The following MCU variants were observed in gnomAD, a reference collection of about 807,000 sequenced individuals.
MCU encodes the protein calcium uniporter protein, mitochondrial.
A neutral mutation model predicts 45.2 loss-of-function variants in MCU; 12 were observed. The ratio of observed to expected loss-of-function variants is 0.27; its 90% CI spans 0.17 to 0.43. The LOEUF (loss-of-function observed/expected upper bound fraction) is 0.43, where lower values mean the gene tolerates loss of function less well. Ranked by LOEUF, MCU falls within the 20% of genes least tolerant of loss-of-function variation. The pLI is 1.00. For synonymous variants in MCU, 160 were observed against 165.1 expected, an observed-to-expected ratio of 0.97 and a Z score of 0.24; for missense variants, 324 against 436.7, an observed-to-expected ratio of 0.74 and a Z score of 2.30.
chr10:72,766,473 A>G (rs902377819), intron 1 of MCU: 2 of 152,232 alleles, frequency 1.3e-5, no homozygotes, highest in African/African-American at 4.8e-5. Context: ...TTCATTACAC[A>G]TAGATCATTG....
chr10:72,741,552 G>A (rs1203423634), intron 1 of MCU, among the ~76,000 whole-genome samples: 1 of 152,180 alleles, frequency 6.6e-6, no homozygotes, highest in African/African-American at 2.4e-5. Context: ...TTCCATGCCA[G>A]GTAAAGTGAG....
At chr10:72,857,535 G>A (rs912020494) in intron 2 of MCU, among the ~76,000 whole-genome samples, 2 of 151,990 alleles carry the variant, frequency 1.3e-5, no homozygotes, top group African/African-American at 4.8e-5. Flanking sequence ...ACCATGCCTG[G>A]CCAAAGCCCA....
chr10:72,821,940 A>G (rs1473633882), intron 1 of MCU, among the ~76,000 whole-genome samples: 1 of 152,202 alleles, frequency 6.6e-6, no homozygotes, highest in African/African-American at 2.4e-5. Context: ...TAGAAATTAC[A>G]TTTTCACTGG....
intron 1 of MCU, among the ~76,000 whole-genome samples, chr10:72,823,226 C>T (rs1844741175): frequency 6.6e-6 from 1 of 152,094 alleles, no homozygotes; most frequent in Admixed American, 6.5e-5. Flanking sequence ...CATAGATAAG[C>T]CTTGAAAACA....
intron 1 of MCU, chr10:72,692,851 A>G: frequency 7.0e-7 from 1 of 1,428,346 alleles, no homozygotes; most frequent in Non-Finnish European, 9.1e-7. Flanking sequence ...GCAGGAAGGA[A>G]AATCAAACTT....
intron 1 of MCU, among the ~76,000 whole-genome samples, chr10:72,761,475 A>G (rs1236006573): frequency 6.6e-6 from 1 of 152,142 alleles, no homozygotes; most frequent in Non-Finnish European, 1.5e-5. Flanking sequence ...ACCTTTTCTC[A>G]CCTTGTCACG....
intron 1 of MCU, among the ~76,000 whole-genome samples, chr10:72,725,624 C>T (rs971435873): frequency 1.3e-5 from 2 of 152,154 alleles, no homozygotes; most frequent in Admixed American, 6.5e-5. Flanking sequence ...TGCGGTGGCT[C>T]ACGCCTATAA....
chr10:72,849,212 C>T (rs539460459), intron 2 of MCU, among the ~76,000 whole-genome samples: 7 of 147,202 alleles, frequency 4.8e-5, no homozygotes, highest in Non-Finnish European at 7.4e-5. Flanking sequence ...GCCTGGGAGG[C>T]GCAGGTTGCC....
At chr10:72,877,660 T>G (rs145909723) in intron 6 of MCU, among the ~76,000 whole-genome samples, 144 of 151,892 alleles carry the variant, frequency 9.5e-4, no homozygotes, top group African/African-American at 2.9e-3. Context: ...ATAGCAAAAA[T>G]TGCTAGGTAA....
intron 1 of MCU, among the ~76,000 whole-genome samples, chr10:72,752,135 G>A (rs759982601): frequency 1.3e-5 from 2 of 151,952 alleles, no homozygotes; most frequent in African/African-American, 4.8e-5. Context: ...CACCATGCCC[G>A]GCCGCACATT....
At chr10:72,789,435 T>C (rs1220634998) in intron 1 of MCU, among the ~76,000 whole-genome samples, 1 of 152,226 alleles carries the variant, frequency 6.6e-6, no homozygotes, top group Non-Finnish European at 1.5e-5. Flanking sequence ...ACCTTAGCTT[T>C]AGCTTCATGT....
intron 1 of MCU, among the ~76,000 whole-genome samples, chr10:72,704,704 A>ACTTTTTTTTTTTTT (rs1435890480): frequency 1.9e-5 from 2 of 106,746 alleles, no homozygotes; most frequent in Non-Finnish European, 1.8e-5. Flanking sequence ...TGCCTGGATA[A>ACTTTTTTTTTTTTT]TTTTTTTTTT....
At chr10:72,785,837 G>A (rs1214948447) in intron 1 of MCU, among the ~76,000 whole-genome samples, 2 of 152,110 alleles carry the variant, frequency 1.3e-5, no homozygotes. Context: ...AAATCCTTTT[G>A]GAAAGGAGAT....
At chr10:72,839,614 A>G (rs187661198) in intron 2 of MCU, among the ~76,000 whole-genome samples, 17 of 151,918 alleles carry the variant, frequency 1.1e-4, no homozygotes, top group Non-Finnish European at 1.9e-4. Context: ...TTATTCATTC[A>G]CCAAATGAGG....
intron 2 of MCU, among the ~76,000 whole-genome samples, chr10:72,846,223 A>G (rs1845120427): frequency 6.6e-6 from 1 of 152,138 alleles, no homozygotes; most frequent in African/African-American, 2.4e-5. Context: ...TTGTATTTTC[A>G]GCAGAGACAG....
At chr10:72,871,281 A>G in intron 5 of MCU, 96 bp from the exon 6 acceptor site, 2 of 1,063,778 alleles carry the variant, frequency 1.9e-6, no homozygotes, top group Non-Finnish European at 1.4e-6. Context: ...TTGTGTCTTG[A>G]TGATGAGCCC....
At chr10:72,711,007 T>C (rs1395883715) in intron 1 of MCU, among the ~76,000 whole-genome samples, 1 of 151,878 alleles carries the variant, frequency 6.6e-6, no homozygotes, top group Non-Finnish European at 1.5e-5. Flanking sequence ...ATGAAACCCC[T>C]GTCTCTACTA....
At chr10:72,707,545 A>G (rs1842838935) in intron 1 of MCU, among the ~76,000 whole-genome samples, 1 of 151,846 alleles carries the variant, frequency 6.6e-6, no homozygotes, top group African/African-American at 2.4e-5. Flanking sequence ...ACCATCACAG[A>G]ATATTTTTAT....
At chr10:72,805,107 CTTTCTTTCTT>C (rs1844416186) in intron 1 of MCU, among the ~76,000 whole-genome samples, 3 of 109,760 alleles carry the variant, frequency 2.7e-5, no homozygotes, top group African/African-American at 1.3e-4. Context: ...CTTTCTCTTT[CTTTCTTTCTT>C]TCTTTCTTTC....
Sources: allele counts gnomAD v4.1 joint callset (sites outside exome capture counted in the v4.1 genomes callset), GRCh38; gene constraint gnomAD v4.1.1; transcripts MANE v1.5; gene names NCBI Gene and HGNC (gene_info 2026-07-23, HGNC 2026-07-21).